The following PRR16 variants were observed in gnomAD, a reference collection of about 807,000 sequenced individuals.
The protein encoded by PRR16 is protein Largen.
PRR16 carries 6 observed loss-of-function variants against 18.2 expected under a neutral mutation model. The observed-to-expected ratio is 0.33, with a 90% CI of 0.18 to 0.65. The LOEUF (loss-of-function observed/expected upper bound fraction) is 0.65. Ranked by LOEUF, PRR16 falls within the 30% of genes least tolerant of loss-of-function variation. The pLI is 0.74. For synonymous variants in PRR16, 151 were observed against 147.8 expected (o/e 1.02, Z -0.16); for missense variants, 412 against 376.6 (o/e 1.09, Z -0.78).
chr5:120,599,824 G>A (rs1753926146), intron 1 of PRR16, among the ~76,000 whole-genome samples: 1 of 151,796 alleles, frequency 6.6e-6, no homozygotes, highest in African/African-American at 2.4e-5. Context: ...AGTCCAACCA[G>A]TGACTCAGAT....
intron 1 of PRR16, among the ~76,000 whole-genome samples, chr5:120,473,552 G>A (rs556472033): frequency 6.6e-6 from 1 of 152,274 alleles, no homozygotes; most frequent in Admixed American, 6.5e-5. Context: ...TTTGTAGAAC[G>A]TTTAGAATGG....
chr5:120,688,153 C>T (rs562809984), downstream of PRR16, among the ~76,000 whole-genome samples: 5 of 152,286 alleles, frequency 3.3e-5, no homozygotes, highest in South Asian at 8.3e-4. Flanking sequence ...CTGCCTTTTT[C>T]AAGCTAGATC....
chr5:120,720,120 TAATTATTCATAGCCATAAGA>T, the PRR16 span, among the ~76,000 whole-genome samples: 1 of 152,022 alleles, frequency 6.6e-6, no homozygotes, highest in Non-Finnish European at 1.5e-5. Flanking sequence ...AAGAGTGAAG[TAATTATTCATAGCCATAAGA>T]ATAATAGTCT....
intron 1 of PRR16, among the ~76,000 whole-genome samples, chr5:120,520,046 G>A (rs1386970923): frequency 6.6e-6 from 1 of 151,986 alleles, no homozygotes; most frequent in Non-Finnish European, 1.5e-5. Flanking sequence ...AAACATTGCA[G>A]GAATGAAAGC....
chr5:120,577,325 A>C (rs1230470941), intron 1 of PRR16, among the ~76,000 whole-genome samples: 1 of 152,006 alleles, frequency 6.6e-6, no homozygotes, highest in Non-Finnish European at 1.5e-5. Context: ...CAAATGTTGT[A>C]AATTCAGAAA....
intron 1 of PRR16, among the ~76,000 whole-genome samples, chr5:120,554,684 G>T (rs1191476266): frequency 6.6e-6 from 1 of 151,806 alleles, no homozygotes; most frequent in Non-Finnish European, 1.5e-5. Context: ...TTTCATGTAA[G>T]TCTCACAACA....
chr5:120,657,852 T>C (rs1033884031), intron 1 of PRR16, among the ~76,000 whole-genome samples: 1 of 151,934 alleles, frequency 6.6e-6, no homozygotes, highest in Non-Finnish European at 1.5e-5. Context: ...TTTTTTGGAA[T>C]TTACCATTAA....
intron 1 of PRR16, among the ~76,000 whole-genome samples, chr5:120,615,384 C>CT (rs10717083): frequency 0.019 from 2,231 of 119,442 alleles, 18 homozygotes; most frequent in Non-Finnish European, 0.025. Context: ...TCTTTCTTTT[C>CT]TTTTTTTTTT....
At chr5:120,777,402 A>C in the PRR16 span, among the ~76,000 whole-genome samples, 527 of 151,920 alleles carry the variant, frequency 3.5e-3, 3 homozygotes, top group African/African-American at 0.012. Flanking sequence ...TTTTGTACTT[A>C]AAACATAATT....
Position 120,548,651 on chromosome 5 carries a change from T to C in PRR16, c.159+84006T>C, listed in dbSNP as rs1221652996. 4.6e-5 allele frequency among the ~76,000 whole-genome samples: 7 copies of C among 152,020 alleles called. No homozygotes were observed. In the East Asian group the frequency reaches 9.7e-4, roughly 21 times the overall value. On this transcript the variant is annotated intron_variant, in intron 1 of 1. Coordinates refer to ENST00000407149, the MANE Select transcript of PRR16 (RefSeq NM_001300783.2). ...GCCCTCAAGTTTTGTGCTTGTTCTT[T>C]TGTTGTCCTGGAACTATCTTTTATC...
intron 1 of PRR16, among the ~76,000 whole-genome samples, chr5:120,600,890 A>C (rs766233713): frequency 6.6e-6 from 1 of 151,908 alleles, no homozygotes; most frequent in African/African-American, 2.4e-5. Context: ...TCCGTGTTGC[A>C]TCAGAGGTCA....
intron 1 of PRR16, among the ~76,000 whole-genome samples, chr5:120,495,246 T>C (rs1264220724): frequency 1.3e-5 from 2 of 152,126 alleles, no homozygotes; most frequent in Non-Finnish European, 2.9e-5. Flanking sequence ...TATTTCATTG[T>C]CATTTTGTAG....
intron 1 of PRR16, among the ~76,000 whole-genome samples, chr5:120,685,246 G>A (rs1417382919): frequency 6.6e-6 from 1 of 152,130 alleles, no homozygotes; most frequent in African/African-American, 2.4e-5. Context: ...CCTCCTCTCA[G>A]CATGAGAGGT....
At chr5:120,661,109 C>T (rs1249354893) in intron 1 of PRR16, among the ~76,000 whole-genome samples, 1 of 152,114 alleles carries the variant, frequency 6.6e-6, no homozygotes, top group African/African-American at 2.4e-5. Flanking sequence ...GCTACAGTCT[C>T]TTTATCATAG....
intron 1 of PRR16, among the ~76,000 whole-genome samples, chr5:120,508,088 G>A (rs992568133): frequency 1.3e-5 from 2 of 151,926 alleles, no homozygotes; most frequent in African/African-American, 4.8e-5. Flanking sequence ...TGTCATTGGC[G>A]GGTTTTCTGG....
chr5:120,537,477 G>C (rs1194232066), intron 1 of PRR16, among the ~76,000 whole-genome samples: 1 of 152,050 alleles, frequency 6.6e-6, no homozygotes, highest in African/African-American at 2.4e-5. Flanking sequence ...TCTCCAGCAA[G>C]TATTGCACAA....
At chr5:120,728,560 G>A in the PRR16 span, among the ~76,000 whole-genome samples, 3 of 152,168 alleles carry the variant, frequency 2.0e-5, no homozygotes, top group African/African-American at 7.2e-5. Flanking sequence ...ATGAATATAA[G>A]GGGGTGATTA....
chr5:120,559,001 C>T (rs531720363), intron 1 of PRR16, among the ~76,000 whole-genome samples: 2 of 151,562 alleles, frequency 1.3e-5, no homozygotes, highest in South Asian at 2.1e-4. Flanking sequence ...TATTATTTTT[C>T]CTGTAGAGTT....
the PRR16 span, among the ~76,000 whole-genome samples, chr5:120,743,947 C>T: frequency 0.1 from 15,791 of 151,866 alleles, 1,023 homozygotes; most frequent in African/African-American, 0.18. Flanking sequence ...AATTCAGTAG[C>T]AGTGTAGCAT....
Sources: allele counts gnomAD v4.1 joint callset (sites outside exome capture counted in the v4.1 genomes callset), GRCh38; gene constraint gnomAD v4.1.1; transcripts MANE v1.5; gene names NCBI Gene and HGNC (gene_info 2026-07-23, HGNC 2026-07-21).